Variants in PLAAT2 observed in about 807,000 individuals in gnomAD.
PLAAT2 encodes phospholipase A and acyltransferase 2.
Under a neutral mutation model 12.8 loss-of-function variants are expected in PLAAT2, and 12 were observed. That is an observed-to-expected ratio of 0.94 (90% CI 0.60 to 1.52). PLAAT2 has a LOEUF of 1.52. Ranked by LOEUF, PLAAT2 falls within the 40% of genes most tolerant of loss-of-function variation. The pLI is 0.00. For missense variants in PLAAT2, 166 were observed against 208.1 expected (o/e 0.80, Z 1.24); for synonymous variants, 79 against 86.8 (o/e 0.91, Z 0.50).
chr11:63,562,402 T>C (rs1257425554), intron 1 of PLAAT2, among the ~76,000 whole-genome samples: 1 of 152,156 alleles, frequency 6.6e-6, no homozygotes. Context: ...GCACATACCA[T>C]TATCCTTGGC....
rs1242457849 is a variant in PLAAT2 at position 63,560,326 on chromosome 11, G to A, written c.10-133C>T. 5 of 643,580 alleles carry A rather than the reference G, an allele frequency of 7.8e-6. No homozygotes were observed. In the African/African-American group the frequency reaches 9.1e-5, roughly 12 times the overall value. 39.9% of individuals were successfully genotyped at this position (643,580 alleles called of 1,614,324 possible). The stretch of plus-strand genomic sequence containing the variant: ...TCACCTGCAGGAAACAGGAAGGAGG[G>A]AGCACTCCTCACATATGTAGGAAGC... On this transcript the variant is annotated intron_variant, in intron 1 of 3. Coordinates refer to ENST00000255695, the MANE Select transcript of PLAAT2 (RefSeq NM_017878.2).
intron 3 of PLAAT2, among the ~76,000 whole-genome samples, chr11:63,557,266 T>G (rs1284979536): frequency 1.3e-5 from 2 of 152,222 alleles, no homozygotes; most frequent in African/African-American, 4.8e-5. Flanking sequence ...GTGTGGTGGC[T>G]CACACCTGTA....
Position 63,563,332 on chromosome 11 carries a change from T to C in PLAAT2, c.-8A>G. 6.2e-7 allele frequency: 1 copy of C among 1,614,142 alleles called. No homozygotes were observed. The highest frequency in any genetic ancestry group is 8.5e-7 in the Non-Finnish European group (1 of 1,180,010). On this transcript the variant is annotated 5_prime_UTR_variant, in exon 1 of 4. Transcript: ENST00000255695. ...GGGACTTACCAAAGCCATCCTTCCT[T>C]CAAGATGATGTCTTGTGTGTTGCTG...
In PLAAT2 at chr11:63,560,087, G is replaced by A; in HGVS notation, c.116C>T (p.Ala39Val). Reference protein sequence around the residue: ...GDGYVVHLAPASEIAGAGAAS... With the variant: ...GDGYVVHLAPVSEIAGAGAAS... Reference sequence around the variant, plus strand: ...TTAAAAAGAGAACCCATCCTTACTTGCCGGAGCCAGATGGACCACATAGCC... The same window carrying A: ...TTAAAAAGAGAACCCATCCTTACTTACCGGAGCCAGATGGACCACATAGCC... Residue 39 changes from alanine (A) to valine (V), a missense_variant and splice_region_variant, in exon 2 of 4, where the codon GCA becomes GTA. Ala to Val is a moderately conservative substitution (Grantham distance 64). Coordinates refer to ENST00000255695, the MANE Select transcript of PLAAT2 (RefSeq NM_017878.2). 6.2e-7 allele frequency: 1 copy of A among 1,602,876 alleles called. No homozygotes were observed. The highest frequency in any genetic ancestry group is 8.5e-7 in the Non-Finnish European group (1 of 1,171,018).
chr11:63,560,108 T>A lies in PLAAT2; in HGVS notation c.95A>T (p.Tyr32Phe), dbSNP rs1170465102. 12 of 1,611,436 alleles carry A rather than the reference T, an allele frequency of 7.4e-6. No individual in the cohort carries two copies. The highest frequency in any genetic ancestry group is 1.0e-5 in the Non-Finnish European group (12 of 1,177,902). The change falls in exon 2 of 4, where the codon TAT becomes TTT. Residue 32 changes from tyrosine to phenylalanine, a missense_variant. By Grantham distance (22) the Tyr-to-Phe change is conservative. Transcript: ENST00000255695. Reference protein sequence around the residue: ...AHWAIYVGDGYVVHLAPASEI... With the variant: ...AHWAIYVGDGFVVHLAPASEI... ...ACTTGCCGGAGCCAGATGGACCACATAGCCATCTCCCACGTAGATGGCCCA... is the reference window on the plus strand; with the variant it reads ...ACTTGCCGGAGCCAGATGGACCACAAAGCCATCTCCCACGTAGATGGCCCA...
In PLAAT2 at chr11:63,552,943, T is replaced by G. The variant is rs376865462; in HGVS notation, c.*21A>C. On this transcript the variant is annotated 3_prime_UTR_variant, in exon 4 of 4. Transcript: ENST00000255695. ...ATATTCCTCCGTAAGAATTGGTGGT[T>G]GTTGGGACAATTTCTTGGATTTATT... 55 of 1,533,722 alleles carry G rather than the reference T, an allele frequency of 3.6e-5. No individual in the cohort carries two copies. Among genetic ancestry groups the G allele is most frequent in the Admixed American group, 3.2e-4 (19 of 59,730 alleles).
chr11:63,556,187 T>C (rs185375258), intron 3 of PLAAT2, among the ~76,000 whole-genome samples: 1 of 152,088 alleles, frequency 6.6e-6, no homozygotes, highest in Non-Finnish European at 1.5e-5. Flanking sequence ...GGAGAGTCTT[T>C]CCAGACAGAC....
At chr11:63,555,656 G>T (rs745515155) in intron 3 of PLAAT2, among the ~76,000 whole-genome samples, 1 of 152,206 alleles carries the variant, frequency 6.6e-6, no homozygotes, top group African/African-American at 2.4e-5. Flanking sequence ...TCACATTTCA[G>T]TGAAGCACCT....
chr11:63,553,656 TAAC>T (rs2017439040), intron 3 of PLAAT2, among the ~76,000 whole-genome samples: 1 of 151,894 alleles, frequency 6.6e-6, no homozygotes. Context: ...TCTTAAAAAA[TAAC>T]AATAATAATT....
chr11:63,558,303 A>G, intron 3 of PLAAT2, 89 bp downstream of exon 3: 1 of 1,450,176 alleles, frequency 6.9e-7, no homozygotes, highest in Non-Finnish European at 9.5e-7. Flanking sequence ...GTCTATTTCC[A>G]TCCCACCCTG....
chr11:63,564,933 C>T (rs891204504), upstream of PLAAT2, among the ~76,000 whole-genome samples: 5 of 152,090 alleles, frequency 3.3e-5, no homozygotes, highest in African/African-American at 1.2e-4. Context: ...CCATGCAGGG[C>T]GGAGTTGGGG....
chr11:63,552,804 C>T lies in PLAAT2; in HGVS notation c.*160G>A, dbSNP rs1489922948. ...AATTGTGTCTTTAATAGAATTCATA[C>T]TAAGCTGCATTTCCAAATACATTTT... On this transcript the variant is annotated 3_prime_UTR_variant, in exon 4 of 4. Transcript: ENST00000255695. 8 of 598,138 alleles carry T rather than the reference C, an allele frequency of 1.3e-5. No homozygotes were observed. The highest frequency in any genetic ancestry group is 7.4e-5 in the African/African-American group (4 of 53,734). The allele number at this position is 598,138 out of a possible 1,614,324, so 37.1% of individuals were successfully genotyped here.
At chr11:63,557,139 A>C (rs2017473370) in intron 3 of PLAAT2, among the ~76,000 whole-genome samples, 1 of 152,246 alleles carries the variant, frequency 6.6e-6, no homozygotes, top group Admixed American at 6.5e-5. Context: ...AATATGCAAT[A>C]TACCAAAATC....
At chr11:63,561,523 T>A (rs1314661934) in intron 1 of PLAAT2, among the ~76,000 whole-genome samples, 1 of 151,822 alleles carries the variant, frequency 6.6e-6, no homozygotes, top group African/African-American at 2.4e-5. Flanking sequence ...CAGGTGCCTG[T>A]AATCCCACCC....
At chr11:63,563,620 G>A (rs987197822), upstream of PLAAT2, among the ~76,000 whole-genome samples, 96 of 1,816 alleles carry the variant, frequency 0.053, no homozygotes, top group Admixed American at 0.069. Context: ...TCCAGAGGCC[G>A]AGGCAGGAAA....
chr11:63,560,065 A>G lies in PLAAT2; in HGVS notation c.118+20T>C, dbSNP rs768398330. 4 of 1,538,726 alleles carry G rather than the reference A, an allele frequency of 2.6e-6. No individual in the cohort carries two copies. The highest frequency in any genetic ancestry group is 3.6e-6 in the Non-Finnish European group (4 of 1,113,798). On this transcript the variant is annotated intron_variant, in intron 2 of 3. Coordinates refer to ENST00000255695, the MANE Select transcript of PLAAT2 (RefSeq NM_017878.2). ...TTCTTGATCTTAACCCTTGTGCTTA[A>G]AAAGAGAACCCATCCTTACTTGCCG...
rs185705041 is a variant in PLAAT2, at chr11:63,557,481, C to T, written c.387+911G>A. Among the ~76,000 whole-genome samples the T allele has an allele frequency of 9.9e-5, 15 of 151,980 alleles. 1 individual carries two copies. In the East Asian group the frequency reaches 1.7e-3, roughly 18 times the overall value. On this transcript the variant is annotated intron_variant, in intron 3 of 3. Coordinates refer to ENST00000255695, the MANE Select transcript of PLAAT2 (RefSeq NM_017878.2). Reference sequence around the variant, plus strand: ...GGTCGAGGCTGCAGTGAGCCATGATCGAACTCCACATGATATACTGCAGTC... The same window carrying T: ...GGTCGAGGCTGCAGTGAGCCATGATTGAACTCCACATGATATACTGCAGTC...
chr11:63,555,298 C>T (rs1174611067), intron 3 of PLAAT2, among the ~76,000 whole-genome samples: 1 of 152,014 alleles, frequency 6.6e-6, no homozygotes, highest in Non-Finnish European at 1.5e-5. Context: ...TGGATCCAAT[C>T]AATTGTGGAT....
At chr11:63,555,561 G>A (rs979952423) in intron 3 of PLAAT2, among the ~76,000 whole-genome samples, 12 of 152,116 alleles carry the variant, frequency 7.9e-5, no homozygotes, top group Non-Finnish European at 1.0e-4. Flanking sequence ...GTGTGGTGGC[G>A]TGTGCCTGTA....
Sources: gnomAD v4.1 joint callset for allele counts (sites outside exome capture counted in the v4.1 genomes callset) on GRCh38, gnomAD v4.1.1 for gene constraint, MANE v1.5 for transcripts, NCBI Gene and HGNC (gene_info 2026-07-23, HGNC 2026-07-21) for gene names.